Variants in AP3B1 observed in about 807,000 individuals in gnomAD.
AP3B1 encodes AP-3 complex subunit beta-1.
A neutral mutation model predicts 132.5 loss-of-function variants in AP3B1; 61 were observed. That is an observed-to-expected ratio of 0.46 (90% CI 0.37 to 0.57). The LOEUF (loss-of-function observed/expected upper bound fraction) is 0.57, where lower values mean the gene tolerates loss of function less well. Among genes scored for constraint, AP3B1 ranks in the 20% least tolerant of loss-of-function variants. The pLI is 0.00. For synonymous variants in AP3B1, 388 were observed against 438.3 expected (o/e 0.89, Z 1.43); for missense variants, 1,120 against 1,289.4 (o/e 0.87, Z 2.01).
At chr5:78,189,196 T>C (rs1205668776) in intron 7 of AP3B1, among the ~76,000 whole-genome samples, 2 of 152,074 alleles carry the variant, frequency 1.3e-5, no homozygotes, top group African/African-American at 4.8e-5. Context: ...GTAACAAACC[T>C]GCACATCCTG....
intron 7 of AP3B1, among the ~76,000 whole-genome samples, chr5:78,199,395 A>C (rs1235127006): frequency 6.6e-6 from 1 of 152,232 alleles, no homozygotes; most frequent in East Asian, 1.9e-4. Flanking sequence ...CTTATTTAAA[A>C]ACTAAATAAT....
rs753638266 is a variant in AP3B1, at chr5:78,116,082, A to T, written c.2077+44T>A. The stretch of plus-strand genomic sequence containing the variant: ...CCTTGTTTCTGAGATATAGAATGTA[A>T]TCTACTATGTAAATAATATATGCCA... On this transcript the variant is annotated intron_variant, in intron 18 of 26. Coordinates refer to ENST00000255194, the MANE Select transcript of AP3B1 (RefSeq NM_003664.5). 2.1e-5 allele frequency: 29 copies of T among 1,376,350 alleles called. No homozygotes were observed. The Admixed American group carries it at 4.9e-4, about 23-fold the overall frequency. The allele number at this position is 1,376,350 out of a possible 1,614,324, so 85.3% of individuals were successfully genotyped here. A position where few individuals can be genotyped will look rare whatever the true frequency, so the allele number is the denominator to read the frequency against.
chr5:78,087,806 G>T, intron 22 of AP3B1: 1 of 531,018 alleles, frequency 1.9e-6, no homozygotes, highest in Non-Finnish European at 2.4e-6. Context: ...AAGTAGAAGA[G>T]TCTACACTCA....
At chr5:78,208,241 T>A (rs1341161884) in intron 7 of AP3B1, among the ~76,000 whole-genome samples, 2 of 152,150 alleles carry the variant, frequency 1.3e-5, no homozygotes, top group Non-Finnish European at 2.9e-5. Context: ...TCCAGGAACA[T>A]ATCTCCTGGG....
rs189314048 is a variant in AP3B1, at chr5:78,176,838, C to A, written c.1040+501G>T. Among the ~76,000 whole-genome samples the A allele has an allele frequency of 2.2e-3, 330 of 152,288 alleles. 1 individual carries two copies. Among genetic ancestry groups the A allele is most frequent in the African/African-American group, 7.6e-3 (318 of 41,580 alleles). On this transcript the variant is annotated intron_variant, in intron 9 of 26. Transcript: ENST00000255194. ...AAATGAGTAGCTATTAAAAACACAG[C>A]TCTCTTTTTAGAGTGGAGCAAAGCA...
At chr5:78,005,875 G>C (rs977665950) in intron 26 of AP3B1, among the ~76,000 whole-genome samples, 2 of 152,172 alleles carry the variant, frequency 1.3e-5, no homozygotes, top group African/African-American at 4.8e-5. Context: ...AATAGTTATG[G>C]AAAGAGTACT....
At chr5:78,075,865 T>G (rs1749746607) in intron 22 of AP3B1, among the ~76,000 whole-genome samples, 1 of 152,236 alleles carries the variant, frequency 6.6e-6, no homozygotes, top group Admixed American at 6.5e-5. Context: ...CACCCTGGCA[T>G]GGTCATCAAG....
intron 13 of AP3B1, 105 bp downstream of exon 13, chr5:78,162,714 C>G (rs2112370543): frequency 7.9e-7 from 1 of 1,263,524 alleles, no homozygotes; most frequent in East Asian, 2.4e-5. Flanking sequence ...ACTGATATAA[C>G]TGGAAAAGCT....
chr5:78,190,681 G>A (rs527900623), intron 7 of AP3B1, among the ~76,000 whole-genome samples: 26 of 152,188 alleles, frequency 1.7e-4, no homozygotes, highest in African/African-American at 5.8e-4. Flanking sequence ...ATCTATAAAA[G>A]CAGTAACTAT....
intron 4 of AP3B1, among the ~76,000 whole-genome samples, chr5:78,227,744 T>C (rs1746458818): frequency 1.3e-5 from 2 of 152,152 alleles, no homozygotes; most frequent in African/African-American, 4.8e-5. Context: ...AGAAAAGTAA[T>C]AGTTATAATT....
chr5:78,277,154 AAACTAC>A (rs1748816622), intron 1 of AP3B1, among the ~76,000 whole-genome samples: 1 of 152,204 alleles, frequency 6.6e-6, no homozygotes, highest in Admixed American at 6.5e-5. Context: ...CTATGAAACA[AAACTAC>A]AATAGAGAAA....
At chr5:78,199,609 G>A (rs935330932) in intron 7 of AP3B1, among the ~76,000 whole-genome samples, 6 of 152,104 alleles carry the variant, frequency 3.9e-5, no homozygotes, top group South Asian at 2.1e-4. Context: ...AAGTAAATGT[G>A]TGTTGAATTG....
intron 2 of AP3B1, among the ~76,000 whole-genome samples, chr5:78,251,791 G>A (rs1332196537): frequency 1.3e-5 from 2 of 152,180 alleles, no homozygotes; most frequent in African/African-American, 2.4e-5. Flanking sequence ...CAAGTCCTAC[G>A]GCTGAACTAG....
intron 20 of AP3B1, among the ~76,000 whole-genome samples, chr5:78,103,364 G>A (rs947694954): frequency 2.0e-5 from 3 of 152,096 alleles, no homozygotes; most frequent in African/African-American, 4.8e-5. Context: ...CATGTGCTCC[G>A]CCTGCAAAGT....
chr5:78,163,516 T>A (rs1743473776), intron 12 of AP3B1, among the ~76,000 whole-genome samples: 1 of 151,660 alleles, frequency 6.6e-6, no homozygotes, highest in Admixed American at 6.6e-5. Context: ...TAAAATAAAA[T>A]ACCATACTTT....
At position 78,240,900 on chromosome 5, in the gene AP3B1, G is replaced by A. The variant is rs1477886227; in HGVS notation, c.241C>T (p.Pro81Ser). ...CTGGCCACATTCTTCACAACAGCAG[G>A]AAACAGTTCAGATGCATTTTTCCCT... The part of the protein sequence containing the change: ...AKGKNASELF[P>S]AVVKNVASKN... Residue 81 changes from proline to serine, a missense_variant, in exon 3 of 27, where the codon CCT becomes TCT. Coordinates refer to ENST00000255194, the MANE Select transcript of AP3B1 (RefSeq NM_003664.5). 6.2e-7 allele frequency: 1 copy of A among 1,613,194 alleles called. No homozygotes were observed. Among genetic ancestry groups the A allele is most frequent in the Admixed American group, 1.7e-5 (1 of 60,014 alleles).
chr5:78,287,264 C>G (rs1181806070), intron 1 of AP3B1, among the ~76,000 whole-genome samples: 2 of 152,060 alleles, frequency 1.3e-5, no homozygotes, highest in African/African-American at 4.8e-5. Flanking sequence ...TTTACCAGAT[C>G]AGTGATTTTA....
chr5:78,055,210 G>A (rs1180390154), intron 22 of AP3B1, among the ~76,000 whole-genome samples: 3 of 152,228 alleles, frequency 2.0e-5, no homozygotes, highest in Non-Finnish European at 2.9e-5. Flanking sequence ...TCCGGGTCAA[G>A]TCCTGGGATT....
At chr5:78,120,558 A>C (rs1752126861) in intron 17 of AP3B1, among the ~76,000 whole-genome samples, 1 of 152,196 alleles carries the variant, frequency 6.6e-6, no homozygotes, top group South Asian at 2.1e-4. Flanking sequence ...CTCAGATAAA[A>C]CAGACTTTAA....
Sources: gnomAD v4.1 joint callset for allele counts (sites outside exome capture counted in the v4.1 genomes callset) on GRCh38, gnomAD v4.1.1 for gene constraint, MANE v1.5 for transcripts, NCBI Gene and HGNC (gene_info 2026-07-23, HGNC 2026-07-21) for gene names.